IQGAP2: variants seen among roughly 807,000 people sequenced by gnomAD.
IQGAP2 encodes ras GTPase-activating-like protein IQGAP2.
IQGAP2 carries 173 observed loss-of-function variants against 201.3 expected under a neutral mutation model. The observed-to-expected ratio is 0.86, with a 90% CI of 0.76 to 0.98. The LOEUF is 0.98. Among genes scored for constraint, IQGAP2 ranks in the 50% least tolerant of loss-of-function variants. IQGAP2 has a pLI of 0.00. For synonymous variants in IQGAP2, 675 were observed against 673.9 expected, an observed-to-expected ratio of 1.00 and a Z score of -0.03; for missense variants, 1,687 against 1,864.8, an observed-to-expected ratio of 0.90 and a Z score of 1.76.
intron 5 of IQGAP2, among the ~76,000 whole-genome samples, chr5:76,587,500 A>G (rs1746332208): frequency 6.6e-6 from 1 of 152,234 alleles, no homozygotes. Context: ...ACGTTTATAA[A>G]ATAGGTATGT....
At chr5:76,415,615 G>A (rs1011356437) in intron 1 of IQGAP2, among the ~76,000 whole-genome samples, 8 of 152,188 alleles carry the variant, frequency 5.3e-5, no homozygotes, top group Non-Finnish European at 8.8e-5. Context: ...AGAGGCCCAG[G>A]ACTCTATAGC....
chr5:76,498,094 G>C (rs1757086500), intron 2 of IQGAP2, among the ~76,000 whole-genome samples: 1 of 152,150 alleles, frequency 6.6e-6, no homozygotes, highest in South Asian at 2.1e-4. Context: ...CATTCTAACT[G>C]TCTCACAATA....
intron 1 of IQGAP2, among the ~76,000 whole-genome samples, chr5:76,439,390 C>A (rs1364039243): frequency 1.3e-5 from 2 of 152,058 alleles, no homozygotes; most frequent in Non-Finnish European, 2.9e-5. Flanking sequence ...GTCCAGTGTT[C>A]CTTTGTTGAC....
chr5:76,698,857 AT>A (rs1309255988), intron 33 of IQGAP2, among the ~76,000 whole-genome samples: 7 of 152,154 alleles, frequency 4.6e-5, no homozygotes, highest in African/African-American at 1.7e-4. Context: ...GATCTTTTAA[AT>A]TTTATTGCAA....
At chr5:76,695,374 A>AT in intron 31 of IQGAP2, 80 bp from the exon 32 acceptor site, 1 of 1,201,870 alleles carries the variant, frequency 8.3e-7, no homozygotes, top group Non-Finnish European at 1.2e-6. Context: ...TCATTTTGAC[A>AT]TTAACTTGCA....
chr5:76,634,947 C>T (rs746654313), intron 15 of IQGAP2, among the ~76,000 whole-genome samples: 21 of 152,100 alleles, frequency 1.4e-4, no homozygotes, highest in Non-Finnish European at 1.6e-4. Context: ...TATTTGGAGC[C>T]CATGCTGGAA....
intron 5 of IQGAP2, among the ~76,000 whole-genome samples, chr5:76,576,386 A>T (rs1294957921): frequency 6.6e-6 from 1 of 152,218 alleles, no homozygotes; most frequent in Non-Finnish European, 1.5e-5. Context: ...TTCACAGATT[A>T]CATTTTATCT....
intron 5 of IQGAP2, among the ~76,000 whole-genome samples, chr5:76,577,758 G>A (rs1745567737): frequency 6.6e-6 from 1 of 152,190 alleles, no homozygotes; most frequent in Admixed American, 6.5e-5. Flanking sequence ...AATACAGTGG[G>A]TTTGATAAAT....
intron 2 of IQGAP2, among the ~76,000 whole-genome samples, chr5:76,477,397 C>CT (rs1227369418): frequency 1.3e-5 from 2 of 152,140 alleles, no homozygotes; most frequent in Non-Finnish European, 1.5e-5. Context: ...TTTACACTAT[C>CT]TTGAGCATGT....
chr5:76,474,700 T>A (rs1220444222), intron 2 of IQGAP2, among the ~76,000 whole-genome samples: 2 of 152,090 alleles, frequency 1.3e-5, no homozygotes, highest in African/African-American at 2.4e-5. Flanking sequence ...ATCCCCAAAT[T>A]CATTTACACC....
At chr5:76,590,737 AG>A (rs1347718650) in intron 8 of IQGAP2, 151 bp downstream of exon 8, 3 of 650,132 alleles carry the variant, frequency 4.6e-6, no homozygotes, top group Non-Finnish European at 7.7e-6. Context: ...GTAGCATACA[AG>A]AGGACCATAC....
chr5:76,457,980 T>C (rs1331039657), intron 1 of IQGAP2, among the ~76,000 whole-genome samples: 1 of 152,208 alleles, frequency 6.6e-6, no homozygotes, highest in Non-Finnish European at 1.5e-5. Context: ...ACTGTGGAGG[T>C]TGCAGTTAAT....
intron 2 of IQGAP2, among the ~76,000 whole-genome samples, chr5:76,515,013 G>A (rs62361965): frequency 0.056 from 8,463 of 152,204 alleles, 265 homozygotes; most frequent in African/African-American, 0.088. Flanking sequence ...ACATTAGAAT[G>A]CTCTCATTTA....
At chr5:76,585,968 A>G (rs1335932310) in intron 5 of IQGAP2, among the ~76,000 whole-genome samples, 1 of 152,236 alleles carries the variant, frequency 6.6e-6, no homozygotes, top group Non-Finnish European at 1.5e-5. Flanking sequence ...TCCAAGTAAT[A>G]TGAGCACCCT....
intron 28 of IQGAP2, among the ~76,000 whole-genome samples, chr5:76,678,808 A>G (rs1580800228): frequency 6.6e-6 from 1 of 152,222 alleles, no homozygotes; most frequent in African/African-American, 2.4e-5. Context: ...TTAAAATTTC[A>G]GTCTATTATT....
intron 2 of IQGAP2, chr5:76,547,564 C>T: frequency 4.1e-6 from 1 of 244,500 alleles, no homozygotes; most frequent in Non-Finnish European, 6.6e-6. Context: ...AGAGCATGTG[C>T]ACAGTGTAGA....
At chr5:76,628,678 T>C (rs1157400473) in intron 14 of IQGAP2, 1 of 456,138 alleles carries the variant, frequency 2.2e-6, no homozygotes, top group African/African-American at 2.0e-5. Flanking sequence ...TTTGTCTTAC[T>C]CCACAGATGG....
At chr5:76,614,592 T>C (rs542663882) in intron 13 of IQGAP2, among the ~76,000 whole-genome samples, 3 of 151,100 alleles carry the variant, frequency 2.0e-5, no homozygotes, top group Non-Finnish European at 2.9e-5. Flanking sequence ...AATGTCTTTG[T>C]TTTTCCCCTC....
intron 2 of IQGAP2, among the ~76,000 whole-genome samples, chr5:76,487,493 T>C (rs565819901): frequency 6.6e-6 from 1 of 152,350 alleles, no homozygotes; most frequent in African/African-American, 2.4e-5. Flanking sequence ...GTATTATTTA[T>C]TAATTGAAGT....
Sources: allele counts gnomAD v4.1 joint callset (sites outside exome capture counted in the v4.1 genomes callset), GRCh38; gene constraint gnomAD v4.1.1; transcripts MANE v1.5; gene names NCBI Gene and HGNC (gene_info 2026-07-23, HGNC 2026-07-21).